The following ANGPT1 variants were observed in gnomAD, a reference collection of about 807,000 sequenced individuals.
ANGPT1 encodes the protein angiopoietin-1.
ANGPT1 carries 17 observed loss-of-function variants against 62.2 expected under a neutral mutation model. The ratio of observed to expected loss-of-function variants is 0.27; its 90% CI spans 0.19 to 0.41. The LOEUF is 0.41. Among genes scored for constraint, ANGPT1 ranks in the 10% least tolerant of loss-of-function variants. ANGPT1 has a pLI of 1.00. For synonymous variants in ANGPT1, 199 were observed against 198.9 expected (o/e 1.00, Z 0.00); for missense variants, 478 against 594.9 (o/e 0.80, Z 2.04).
At position 107,497,455 on chromosome 8, in the gene ANGPT1, C is replaced by T; in HGVS notation, c.104G>A (p.Arg35Gln). ...SPENSGRRYN[R>Q]IQHGQCAYTF... The stretch of plus-strand genomic sequence containing the variant: ...GTAGGCACATTGCCCATGTTGAATC[C>T]GGTTATATCTTCTCCCACTGTTTTC... Residue 35 changes from arginine (R) to glutamine (Q), a missense_variant, in exon 1 of 9, where the codon CGG becomes CAG. By Grantham distance (43) the Arg-to-Gln change is conservative. This residue lies in a region of ANGPT1 where 343 missense variants were observed against 355.4 expected (regional missense o/e 0.97). Transcript: ENST00000517746. 6.2e-7 allele frequency: 1 copy of T among 1,614,102 alleles called. No homozygotes were observed. Among genetic ancestry groups the T allele is most frequent in the African/African-American group, 1.3e-5 (1 of 75,018 alleles).
chr8:107,365,497 G>A (rs1211169881), intron 1 of ANGPT1, among the ~76,000 whole-genome samples: 2 of 152,092 alleles, frequency 1.3e-5, no homozygotes, highest in African/African-American at 4.8e-5. Context: ...AGTTTCCTGT[G>A]ACTCTCACCA....
intron 1 of ANGPT1, among the ~76,000 whole-genome samples, chr8:107,441,782 T>C (rs773328001): frequency 3.9e-5 from 6 of 152,052 alleles, no homozygotes; most frequent in Non-Finnish European, 8.8e-5. Context: ...GTCAGGTCTT[T>C]GCAGATTAAA....
intron 1 of ANGPT1, among the ~76,000 whole-genome samples, chr8:107,475,423 A>T (rs1812491584): frequency 6.6e-6 from 1 of 152,202 alleles, no homozygotes. Context: ...TACACCTTAT[A>T]CAAAAATTAA....
chr8:107,454,294 C>T (rs929054276), intron 1 of ANGPT1, among the ~76,000 whole-genome samples: 1 of 151,668 alleles, frequency 6.6e-6, no homozygotes, highest in African/African-American at 2.4e-5. Context: ...GGGAGGGTGA[C>T]TTGTGATGTT....
chr8:107,260,770 T>C (rs77649774), intron 8 of ANGPT1, among the ~76,000 whole-genome samples: 5,482 of 152,302 alleles, frequency 0.036, 117 homozygotes, highest in Non-Finnish European at 0.057. Context: ...CTTAGACTAT[T>C]CCAGCCCAAG....
intron 3 of ANGPT1, among the ~76,000 whole-genome samples, chr8:107,333,557 T>C (rs1230133513): frequency 6.6e-6 from 1 of 152,144 alleles, no homozygotes; most frequent in Non-Finnish European, 1.5e-5. Context: ...GATTTACACG[T>C]GTAAGAAAAC....
Position 107,270,396 on chromosome 8 carries a change from A to T in ANGPT1, c.1206-6045T>A, listed in dbSNP as rs75862150. Among the ~76,000 whole-genome samples, 975 of 152,198 alleles carry T rather than the reference A, an allele frequency of 6.4e-3. 11 individuals carry two copies. Among genetic ancestry groups the T allele is most frequent in the African/African-American group, 0.022 (923 of 41,548 alleles). On this transcript the variant is annotated intron_variant, in intron 7 of 8. Coordinates refer to ENST00000517746, the MANE Select transcript of ANGPT1 (RefSeq NM_001146.5). ...AGTTCTCTCCCTGCCACCATATGGA[A>T]CTAGTTTATCTTTCTCACAATTACT... is the stretch of plus-strand genomic sequence containing the variant.
intron 5 of ANGPT1, among the ~76,000 whole-genome samples, chr8:107,299,725 GT>G (rs1814522838): frequency 7.9e-6 from 1 of 125,876 alleles, no homozygotes; most frequent in Non-Finnish European, 1.6e-5. Flanking sequence ...TATATATATA[GT>G]TATATCTAGA....
At chr8:107,298,099 T>C (rs2130199505) in intron 5 of ANGPT1, among the ~76,000 whole-genome samples, 1 of 151,914 alleles carries the variant, frequency 6.6e-6, no homozygotes, top group East Asian at 1.9e-4. Flanking sequence ...CTGGCTCCTA[T>C]CCCAGGCAAG....
At chr8:107,429,440 C>A (rs546450124) in intron 1 of ANGPT1, among the ~76,000 whole-genome samples, 31 of 152,256 alleles carry the variant, frequency 2.0e-4, no homozygotes, top group African/African-American at 7.2e-4. Context: ...TTTCCAAAGG[C>A]TTTACTAAAA....
In ANGPT1 at chr8:107,299,420, T is replaced by TATATATATATATATAA. The variant is rs1342219214; in HGVS notation, c.936+3819_936+3820insTTATATATATATATAT. ...ATATATATATATATATATATATATA[T>TATATATATATATATAA]AAACATACATATATATACTAAGCAT... On this transcript the variant is annotated intron_variant, in intron 5 of 8. Coordinates refer to ENST00000517746, the MANE Select transcript of ANGPT1 (RefSeq NM_001146.5). Among the ~76,000 whole-genome samples the TATATATATATATATAA allele has an allele frequency of 3.2e-3, 386 of 120,342 alleles. 3 individuals are homozygous for TATATATATATATATAA. Among genetic ancestry groups the TATATATATATATATAA allele is most frequent in the Admixed American group, 6.4e-3 (73 of 11,370 alleles). The allele number at this position is 120,342 out of a possible 152,430, so 78.9% of individuals were successfully genotyped here.
intron 1 of ANGPT1, among the ~76,000 whole-genome samples, chr8:107,400,096 T>A (rs1219849676): frequency 1.3e-5 from 2 of 152,192 alleles, no homozygotes; most frequent in Non-Finnish European, 2.9e-5. Flanking sequence ...AAACTCTTTT[T>A]CTGAGGTAGG....
At chr8:107,438,025 C>T (rs556529236) in intron 1 of ANGPT1, among the ~76,000 whole-genome samples, 1 of 152,250 alleles carries the variant, frequency 6.6e-6, no homozygotes, top group East Asian at 1.9e-4. Flanking sequence ...AAATCTCATG[C>T]CTCAAAGTCC....
At chr8:107,361,473 TATAC>T (rs1816161208) in intron 1 of ANGPT1, among the ~76,000 whole-genome samples, 1 of 148,280 alleles carries the variant, frequency 6.7e-6, no homozygotes, top group Non-Finnish European at 1.5e-5. Context: ...ATATAGAATA[TATAC>T]ATACATATGT....
chr8:107,491,267 G>T (rs1211600564), intron 1 of ANGPT1, among the ~76,000 whole-genome samples: 1 of 152,004 alleles, frequency 6.6e-6, no homozygotes, highest in Non-Finnish European at 1.5e-5. Context: ...ATTTATTAAG[G>T]TTCTACCATG....
At chr8:107,496,543 C>T (rs528913722) in intron 1 of ANGPT1, among the ~76,000 whole-genome samples, 1 of 152,300 alleles carries the variant, frequency 6.6e-6, no homozygotes, top group African/African-American at 2.4e-5. Flanking sequence ...CTACATGCTG[C>T]GTTCAGCCCA....
chr8:107,441,325 G>T (rs898882220), intron 1 of ANGPT1, among the ~76,000 whole-genome samples: 3 of 152,062 alleles, frequency 2.0e-5, no homozygotes, highest in Non-Finnish European at 2.9e-5. Context: ...TACCCCTAGG[G>T]ATCATGCAAA....
intron 1 of ANGPT1, among the ~76,000 whole-genome samples, chr8:107,468,641 T>C (rs1812268827): frequency 6.6e-6 from 1 of 152,036 alleles, no homozygotes; most frequent in Non-Finnish European, 1.5e-5. Flanking sequence ...TGAAAATATA[T>C]TCATACCACA....
intron 1 of ANGPT1, among the ~76,000 whole-genome samples, chr8:107,381,010 A>G (rs116394445): frequency 0.012 from 1,848 of 152,306 alleles, 42 homozygotes; most frequent in African/African-American, 0.042. Flanking sequence ...GAAGGCCTGA[A>G]GTTTAGATAA....
Sources: gnomAD v4.1 joint callset for allele counts (sites outside exome capture counted in the v4.1 genomes callset) on GRCh38, gnomAD v4.1.1 for gene constraint, gnomAD v4.1.1 regional missense constraint, MANE v1.5 for transcripts, NCBI Gene and HGNC (gene_info 2026-07-23, HGNC 2026-07-21) for gene names.